Variants in LAMA3 observed in about 807,000 individuals in gnomAD.
The protein encoded by LAMA3 is laminin subunit alpha 3.
LAMA3 carries 281 observed loss-of-function variants against 402.0 expected under a neutral mutation model. The ratio of observed to expected loss-of-function variants is 0.70; its 90% confidence interval spans 0.63 to 0.77. The LOEUF is 0.77. LAMA3 is among the 30% of genes least tolerant of loss of function. LAMA3 has a pLI of 0.00. For synonymous variants in LAMA3, 1,431 were observed against 1,558.4 expected (o/e 0.92, Z 1.93); for missense variants, 3,840 against 4,215.5 (o/e 0.91, Z 2.47).
At chr18:23,923,795 T>C (rs1004961186) in intron 62 of LAMA3, among the ~76,000 whole-genome samples, 6 of 152,194 alleles carry the variant, frequency 3.9e-5, no homozygotes, top group African/African-American at 1.4e-4. Context: ...TGGTGGTTTG[T>C]GTTTGCATGA....
chr18:23,737,308 C>T (rs2061492103), intron 2 of LAMA3, among the ~76,000 whole-genome samples: 1 of 152,202 alleles, frequency 6.6e-6, no homozygotes. Context: ...CACCTGGCTC[C>T]CAGCCTATGC....
At chr18:23,735,155 A>G (rs1568126530) in intron 2 of LAMA3, among the ~76,000 whole-genome samples, 2 of 152,174 alleles carry the variant, frequency 1.3e-5, no homozygotes, top group African/African-American at 4.8e-5. Flanking sequence ...CCCACTGGCA[A>G]TTGCATTTAT....
chr18:23,899,858 A>G (rs904203663), intron 47 of LAMA3, among the ~76,000 whole-genome samples: 2 of 152,164 alleles, frequency 1.3e-5, no homozygotes, highest in African/African-American at 4.8e-5. Context: ...TTCCCTTTCC[A>G]AAATGCTTGG....
intron 38 of LAMA3, among the ~76,000 whole-genome samples, chr18:23,873,489 T>C (rs2064601824): frequency 6.6e-6 from 1 of 152,202 alleles, no homozygotes. Context: ...GATGAAACTT[T>C]ATGCCCTTTA....
At chr18:23,835,082 T>C (rs905948674) in intron 24 of LAMA3, among the ~76,000 whole-genome samples, 1 of 152,200 alleles carries the variant, frequency 6.6e-6, no homozygotes, top group Admixed American at 6.5e-5. Context: ...GCGGTATCTG[T>C]CTATAGATGA....
At chr18:23,850,417 G>T (rs775439957) in intron 32 of LAMA3, among the ~76,000 whole-genome samples, 7 of 152,122 alleles carry the variant, frequency 4.6e-5, no homozygotes, top group Non-Finnish European at 1.0e-4. Flanking sequence ...CTGAGCCTTC[G>T]ACTCACCTTT....
chr18:23,826,287 C>T (rs952416715), intron 21 of LAMA3, among the ~76,000 whole-genome samples: 1 of 152,228 alleles, frequency 6.6e-6, no homozygotes, highest in Non-Finnish European at 1.5e-5. Context: ...GCTTTTTATA[C>T]CGTGCCAGTT....
rs553572622 is a variant in LAMA3, at chr18:23,749,206, G to T, written c.566-222G>T. ...TAAGTATGAGCGTGGAGTTAGCACT[G>T]CATCTCCAAGCATTGCCACTGAAAG... On this transcript the variant is annotated intron_variant, in intron 3 of 74. Coordinates refer to ENST00000313654, the MANE Select transcript of LAMA3 (RefSeq NM_198129.4). Among the ~76,000 whole-genome samples, 15 of 152,290 alleles carry T rather than the reference G, an allele frequency of 9.8e-5. No homozygotes were observed. The South Asian group carries it at 1.9e-3, about 19-fold the overall frequency.
At chr18:23,737,815 A>G (rs949724231) in intron 2 of LAMA3, among the ~76,000 whole-genome samples, 3 of 152,342 alleles carry the variant, frequency 2.0e-5, no homozygotes, top group Admixed American at 2.0e-4. Flanking sequence ...AGACTTGACT[A>G]TTTAATCACT....
chr18:23,829,326 C>G (rs1377373097), intron 23 of LAMA3, among the ~76,000 whole-genome samples: 1 of 152,180 alleles, frequency 6.6e-6, no homozygotes, highest in African/African-American at 2.4e-5. Context: ...TGTTACCTGT[C>G]TTTCTTAATA....
chr18:23,881,789 A>G, intron 39 of LAMA3, 147 bp from the exon 40 acceptor site: 1 of 683,698 alleles, frequency 1.5e-6, no homozygotes, highest in Non-Finnish European at 2.7e-6. Flanking sequence ...GATTAGAGGG[A>G]TAGGGAAAAT....
chr18:23,762,819 A>G (rs2143735438), intron 7 of LAMA3, among the ~76,000 whole-genome samples: 1 of 149,530 alleles, frequency 6.7e-6, no homozygotes, highest in Middle Eastern at 3.5e-3. Context: ...CATGGTTCCA[A>G]GGATTCTCCT....
Position 23,864,951 on chromosome 18 carries a change from G to A in LAMA3, c.4683+68G>A, listed in dbSNP as rs998435102. On this transcript the variant is annotated intron_variant, in intron 36 of 74. Transcript: ENST00000313654. ...GCAGTTGGTGCTGATCTAAATTTAG[G>A]ACATCTTGATATGTGGCCTACAAAA... is the stretch of plus-strand genomic sequence containing the variant. 53 of 983,118 alleles carry A rather than the reference G, an allele frequency of 5.4e-5. 1 individual carries two copies. In the South Asian group the frequency reaches 6.1e-4, roughly 11 times the overall value. The allele number at this position is 983,118 out of a possible 1,614,324, so 60.9% of individuals were successfully genotyped here.
At chr18:23,730,676 T>G (rs998945981) in intron 2 of LAMA3, among the ~76,000 whole-genome samples, 26 of 152,208 alleles carry the variant, frequency 1.7e-4, no homozygotes, top group African/African-American at 6.3e-4. Flanking sequence ...CTTCACTCTT[T>G]TTTTCTTAAA....
chr18:23,718,294 C>T (rs1476662534), intron 2 of LAMA3, among the ~76,000 whole-genome samples: 2 of 152,016 alleles, frequency 1.3e-5, no homozygotes, highest in East Asian at 3.9e-4. Context: ...CCTTCCAGCT[C>T]CCTCCCCAGG....
At chr18:23,787,360 C>A (rs1355926779) in intron 12 of LAMA3, among the ~76,000 whole-genome samples, 1 of 151,730 alleles carries the variant, frequency 6.6e-6, no homozygotes, top group Non-Finnish European at 1.5e-5. Context: ...ATGAGAGCAT[C>A]AGAAAGAGAG....
chr18:23,837,059 G>A lies in LAMA3; in HGVS notation c.3063G>A (p.Gln1021=). ...MYELLADADI[Q]LKGHMARFLL... ...AGCTATTGGCAGATGCAGACATTCAGCTCAAGGGACACATGGCCCGATTCC... is the reference window on the plus strand; with the variant it reads ...AGCTATTGGCAGATGCAGACATTCAACTCAAGGGACACATGGCCCGATTCC... The change falls in exon 25 of 75, where the codon CAG becomes CAA. Residue 1021 remains glutamine, a synonymous_variant. Coordinates refer to ENST00000313654, the MANE Select transcript of LAMA3 (RefSeq NM_198129.4). The A allele has an allele frequency of 6.2e-7, 1 of 1,613,498 alleles. No homozygotes were observed. Among genetic ancestry groups the A allele is most frequent in the Non-Finnish European group, 8.5e-7 (1 of 1,179,452 alleles).
At chr18:23,899,680 A>G (rs541950395) in intron 47 of LAMA3, 41 of 449,428 alleles carry the variant, frequency 9.1e-5, no homozygotes, top group Non-Finnish European at 1.5e-4. Flanking sequence ...AAAAAAAAAA[A>G]GTTCTTCTAA....
chr18:23,814,407 A>G lies in LAMA3; in HGVS notation c.1793A>G (p.Tyr598Cys). 1 of 1,606,214 alleles carries G rather than the reference A, an allele frequency of 6.2e-7. No individual in the cohort carries two copies. Among genetic ancestry groups the G allele is most frequent in the Non-Finnish European group, 8.5e-7 (1 of 1,172,806 alleles). ...PAGTINSNLG[Y>C]CQCKLHVEGP... ...TTGTTTGATTTTCATTCAAAGGGGT[A>G]TTGCCAATGCAAGCTTCATGTTGAA... Residue 598 changes from tyrosine to cysteine, a missense_variant, in exon 15 of 75, where the codon TAT becomes TGT. By Grantham distance (194) the Tyr-to-Cys change is radical. Around this residue, in one of 3 missense-constraint regions of LAMA3, gnomAD observed 2,109 missense variants for 2,376.0 expected, o/e 0.89. Transcript: ENST00000313654.
Sources: gnomAD v4.1 joint callset for allele counts (sites outside exome capture counted in the v4.1 genomes callset) on GRCh38, gnomAD v4.1.1 for gene constraint, gnomAD v4.1.1 regional missense constraint, MANE v1.5 for transcripts, NCBI Gene and HGNC (gene_info 2026-07-23, HGNC 2026-07-21) for gene names.